The following PAGE2B variants were observed in gnomAD, a reference collection of about 807,000 sequenced individuals.
PAGE2B encodes the protein putative G antigen family E member 3.
In PAGE2B, 5 loss-of-function variants were observed where a neutral mutation model predicts 7.6. The ratio of observed to expected loss-of-function variants is 0.66; its 90% confidence interval spans 0.34 to 1.38. The LOEUF is 1.38. PAGE2B is among the 40% of genes most tolerant of loss of function. PAGE2B has a pLI of 0.04. For missense variants in PAGE2B, 70 were observed against 78.4 expected (o/e 0.89, Z 0.41); for synonymous variants, 29 against 26.7 (o/e 1.09, Z -0.27).
chrX:55,043,811 A>G, the PAGE2B span, among the ~76,000 whole-genome samples: 3 of 109,748 alleles, frequency 2.7e-5, no homozygotes, highest in Non-Finnish European at 5.7e-5. Flanking sequence ...TACTAAAAAT[A>G]CAAAATCGGG....
chrX:55,050,256 G>A, the PAGE2B span, among the ~76,000 whole-genome samples: 1 of 111,634 alleles, frequency 9.0e-6, no homozygotes, highest in Non-Finnish European at 1.9e-5. Flanking sequence ...AATAGGTGTG[G>A]TGTGTTGCTG....
chrX:55,072,650 C>G (rs1175874779), upstream of PAGE2B, among the ~76,000 whole-genome samples: 3 of 112,552 alleles, frequency 2.7e-5, no homozygotes, highest in African/African-American at 9.7e-5. Flanking sequence ...ACATTTAAGT[C>G]CACTGCAGCT....
At chrX:55,050,000 A>G in the PAGE2B span, among the ~76,000 whole-genome samples, 4 of 112,023 alleles carry the variant, frequency 3.6e-5, no homozygotes, top group Admixed American at 2.9e-4. Context: ...AGATTCTGCT[A>G]TGTTGTGTCT....
chrX:55,039,484 C>G, the PAGE2B span, among the ~76,000 whole-genome samples: 92 of 95,717 alleles, frequency 9.6e-4, no homozygotes, highest in African/African-American at 3.4e-3. Flanking sequence ...GAAGAAAATT[C>G]TTTTTTTTTT....
the PAGE2B span, among the ~76,000 whole-genome samples, chrX:55,068,064 G>A: frequency 2.7e-5 from 3 of 112,388 alleles, no homozygotes; most frequent in Admixed American, 2.8e-4. Flanking sequence ...AGTTTAATCA[G>A]ATTCCATTTG....
At chrX:55,074,783 A>T (rs1936485330), upstream of PAGE2B, among the ~76,000 whole-genome samples, 2 of 112,541 alleles carry the variant, frequency 1.8e-5, no homozygotes, top group African/African-American at 6.4e-5. Context: ...TGGGGCTCAT[A>T]TTCTCCAAAG....
the PAGE2B span, among the ~76,000 whole-genome samples, chrX:55,069,921 A>C: frequency 9.1e-6 from 1 of 109,899 alleles, no homozygotes; most frequent in African/African-American, 3.3e-5. Context: ...CATCTATTTG[A>C]TTCTTCTCTC....
At chrX:55,064,497 A>G in the PAGE2B span, among the ~76,000 whole-genome samples, 2 of 111,225 alleles carry the variant, frequency 1.8e-5, no homozygotes, top group African/African-American at 6.5e-5. Context: ...TCAAAAACCA[A>G]CTTTCTGTTT....
At chrX:55,069,965 A>G in the PAGE2B span, among the ~76,000 whole-genome samples, 2 of 110,638 alleles carry the variant, frequency 1.8e-5, no homozygotes, top group African/African-American at 6.6e-5. Flanking sequence ...GGTGGTCTAT[A>G]TATTTTATTG....
the PAGE2B span, among the ~76,000 whole-genome samples, chrX:55,065,785 A>C: frequency 1.8e-5 from 2 of 112,181 alleles, no homozygotes; most frequent in African/African-American, 6.5e-5. Context: ...ACTGTTGACA[A>C]CTTACCACTG....
chrX:55,057,808 T>G, the PAGE2B span, among the ~76,000 whole-genome samples: 54 of 111,907 alleles, frequency 4.8e-4, no homozygotes, highest in African/African-American at 1.4e-3. Context: ...GAAAATGCAA[T>G]TAGAATACAT....
upstream of PAGE2B, among the ~76,000 whole-genome samples, chrX:55,071,757 CT>C (rs1167818694): frequency 8.9e-6 from 1 of 111,922 alleles, no homozygotes; most frequent in Non-Finnish European, 1.9e-5. Flanking sequence ...TCTTTTCTCT[CT>C]TTTTTCTCTA....
chrX:55,055,803 A>T, the PAGE2B span: 1 of 113,209 alleles, frequency 8.8e-6, no homozygotes, highest in South Asian at 3.8e-4. Flanking sequence ...TATTTCCCAC[A>T]ATCCTTCATT....
upstream of PAGE2B, among the ~76,000 whole-genome samples, chrX:55,073,605 A>G (rs1936471590): frequency 1.8e-5 from 2 of 111,810 alleles, no homozygotes; most frequent in Admixed American, 9.5e-5. Context: ...ACATCACTGA[A>G]TCTATAAATT....
At chrX:55,074,976 A>T (rs985047802), upstream of PAGE2B, 1 of 113,744 alleles carries the variant, frequency 8.8e-6, no homozygotes, top group Non-Finnish European at 1.9e-5. Flanking sequence ...GTCTGTTGTT[A>T]CGCATGTCTG....
At chrX:55,057,814 T>C in the PAGE2B span, among the ~76,000 whole-genome samples, 2 of 111,882 alleles carry the variant, frequency 1.8e-5, no homozygotes, top group Non-Finnish European at 3.8e-5. Context: ...GCAATTAGAA[T>C]ACATCACCAT....
At chrX:55,073,381 T>G (rs1309260229), upstream of PAGE2B, among the ~76,000 whole-genome samples, 1 of 111,050 alleles carries the variant, frequency 9.0e-6, no homozygotes, top group Non-Finnish European at 1.9e-5. Context: ...CTCCATGGGC[T>G]GCACCCACTG....
chrX:55,053,450 G>A, the PAGE2B span, among the ~76,000 whole-genome samples: 1 of 111,751 alleles, frequency 8.9e-6, no homozygotes, highest in African/African-American at 3.3e-5. Flanking sequence ...GTTAATAGGT[G>A]CAGCAAACCA....
At chrX:55,040,715 G>T in the PAGE2B span, among the ~76,000 whole-genome samples, 1 of 111,354 alleles carries the variant, frequency 9.0e-6, no homozygotes, top group Non-Finnish European at 1.9e-5. Context: ...AGATGAAAAA[G>T]TTCTAGAGAT....
Sources: gnomAD v4.1 joint callset for allele counts (sites outside exome capture counted in the v4.1 genomes callset) on GRCh38, gnomAD v4.1.1 for gene constraint, MANE v1.5 for transcripts, NCBI Gene and HGNC (gene_info 2026-07-23, HGNC 2026-07-21) for gene names.